Variants in TRPM3 observed in about 807,000 individuals in gnomAD.
The protein encoded by TRPM3 is long transient receptor potential channel 3.
TRPM3 carries 77 observed loss-of-function variants against 181.2 expected under a neutral mutation model. The observed-to-expected ratio is 0.42, with a 90% CI of 0.35 to 0.51. TRPM3 has a LOEUF of 0.51. Ranked by LOEUF, TRPM3 falls within the 20% of genes least tolerant of loss-of-function variation. The pLI is 0.01. For missense variants in TRPM3, 1,759 were observed against 2,196.7 expected, an observed-to-expected ratio of 0.80 and a Z score of 3.98; for synonymous variants, 745 against 796.4, an observed-to-expected ratio of 0.94 and a Z score of 1.09.
At position 70,843,006 on chromosome 9, in the gene TRPM3, T is replaced by C; in HGVS notation, c.798A>G (p.Arg266=). The change falls in exon 5 of 26, where the codon AGA becomes AGG. Residue 266 remains arginine (R), a synonymous_variant. Transcript: ENST00000677713. ...AGCGACAGCACTCAGGACTTACATC[T>C]CTTCCAATGAGGTCCTCCTGGTTTT... ...IVENQEDLIG[R]DVVRPYQTMS... 6.2e-7 allele frequency: 1 copy of C among 1,613,676 alleles called. No homozygotes were observed. Among genetic ancestry groups the C allele is most frequent in the Non-Finnish European group, 8.5e-7 (1 of 1,179,828 alleles).
chr9:70,599,680 T>C (rs993267931), intron 20 of TRPM3, among the ~76,000 whole-genome samples: 3 of 152,244 alleles, frequency 2.0e-5, no homozygotes, highest in Non-Finnish European at 2.9e-5. Context: ...CTTCAAGGTC[T>C]CTGATCAAAT....
chr9:71,415,314 G>GT (rs1251880584), intron 1 of TRPM3, among the ~76,000 whole-genome samples: 2 of 152,014 alleles, frequency 1.3e-5, no homozygotes, highest in Non-Finnish European at 2.9e-5. Flanking sequence ...ATAAACTTCT[G>GT]TTGTCTTAAG....
At chr9:70,916,964 T>G (rs906572467) in intron 1 of TRPM3, 2 of 1,448,298 alleles carry the variant, frequency 1.4e-6, no homozygotes, top group Non-Finnish European at 1.9e-6. Flanking sequence ...GGCTTTCTAG[T>G]GAACAATCTG....
chr9:71,282,097 GAA>G (rs2084775051), intron 1 of TRPM3, among the ~76,000 whole-genome samples: 7 of 54,258 alleles, frequency 1.3e-4, no homozygotes, highest in African/African-American at 4.9e-4. Flanking sequence ...AAGAGAGAAA[GAA>G]AGAAAAGAAA....
chr9:70,911,737 A>G (rs1319146358), intron 1 of TRPM3, among the ~76,000 whole-genome samples: 1 of 152,174 alleles, frequency 6.6e-6, no homozygotes, highest in African/African-American at 2.4e-5. Context: ...TAGTTTCTAA[A>G]TATGTCTCAA....
chr9:71,305,575 A>G (rs2087215142), intron 1 of TRPM3, among the ~76,000 whole-genome samples: 1 of 152,210 alleles, frequency 6.6e-6, no homozygotes, highest in South Asian at 2.1e-4. Context: ...GGCTCAAGTG[A>G]CACATTTTGA....
intron 6 of TRPM3, among the ~76,000 whole-genome samples, chr9:70,810,484 T>C (rs540651): frequency 0.98 from 148,523 of 151,850 alleles, 72,743 homozygotes; most frequent in Middle Eastern, 1. Context: ...AGCACCCTGT[T>C]GTATTTCTTC....
Position 70,535,506 on chromosome 9 carries a change from T to C in TRPM3, c.*447A>G, listed in dbSNP as rs1256992143. ...GTGAAAAGAAAACAGAATGGAAGTT[T>C]AGAATATCTCATTGTGTACGCTGGC... On this transcript the variant is annotated 3_prime_UTR_variant, in exon 26 of 26. Transcript: ENST00000677713. The C allele has an allele frequency of 1.2e-5, 18 of 1,550,100 alleles. No homozygotes were observed. Among genetic ancestry groups the C allele is most frequent in the Non-Finnish European group, 1.6e-5 (18 of 1,146,962 alleles).
chr9:70,603,562 C>T (rs1589169415), intron 19 of TRPM3, 92 bp from the exon 20 acceptor site: 1 of 1,426,568 alleles, frequency 7.0e-7, no homozygotes, highest in East Asian at 2.3e-5. Context: ...AGAGCAGGGT[C>T]AGCAAGCAGG....
rs531312696 is a variant in TRPM3 at position 70,639,276 on chromosome 9, A to G, written c.1447-82T>C. ...TTTAGTGTTCACTTGAACAGCTTAG[A>G]AATGGATGCCTTTGACATCTGGTAA... On this transcript the variant is annotated intron_variant, in intron 10 of 25. Transcript: ENST00000677713. 5.1e-5 allele frequency: 75 copies of G among 1,482,764 alleles called. No homozygotes were observed. The South Asian group carries it at 8.9e-4, about 18-fold the overall frequency. The allele number at this position is 1,482,764 out of a possible 1,614,324, so 91.9% of individuals were successfully genotyped here. A position where few individuals can be genotyped will look rare whatever the true frequency, so the allele number is the denominator to read the frequency against.
rs1474207694 is a variant in TRPM3 at position 70,848,833 on chromosome 9, C to A, written c.463-2242G>T. On this transcript the variant is annotated intron_variant, in intron 3 of 25. Transcript: ENST00000677713. The stretch of plus-strand genomic sequence containing the variant: ...TCTACTAAAAATACAAAAAATTAGC[C>A]GGGCGTGGTAGCGGGCGCCTGTAGT... 2.3e-5 allele frequency among the ~76,000 whole-genome samples: 2 copies of A among 87,008 alleles called. 1 individual carries two copies. Among genetic ancestry groups the A allele is most frequent in the Non-Finnish European group, 4.9e-5 (2 of 40,622 alleles). 57.1% of individuals were successfully genotyped at this position (87,008 alleles called of 152,430 possible). A position where few individuals can be genotyped will look rare whatever the true frequency, so the allele number is the denominator to read the frequency against.
intron 1 of TRPM3, among the ~76,000 whole-genome samples, chr9:70,912,326 C>T (rs2096546419): frequency 6.6e-6 from 1 of 152,032 alleles, no homozygotes; most frequent in Admixed American, 6.6e-5. Flanking sequence ...AAACAACTTC[C>T]CAGTTAAAAA....
chr9:70,827,982 TCATGGGATTGGA>T lies in TRPM3; in HGVS notation c.826_837del (p.Asn277_Ser280del). On this transcript the variant is annotated inframe_deletion, in exon 6 of 26. Transcript: ENST00000677713. ...ATGCTGTTGAGAACAGTGAGCTTGC[TCATGGGATTGGA>T]CATGGTCTGGTATGGCCGGACAACC... 1 of 1,614,006 alleles carries T rather than the reference TCATGGGATTGGA, an allele frequency of 6.2e-7. No homozygotes were observed. Among genetic ancestry groups the T allele is most frequent in the Non-Finnish European group, 8.5e-7 (1 of 1,179,922 alleles).
chr9:71,190,718 C>G (rs2134996179), intron 1 of TRPM3, among the ~76,000 whole-genome samples: 1 of 151,992 alleles, frequency 6.6e-6, no homozygotes, highest in East Asian at 1.9e-4. Context: ...TATGATACAA[C>G]TTATTGCAGG....
intron 9 of TRPM3, among the ~76,000 whole-genome samples, chr9:70,666,752 A>G (rs1300759084): frequency 6.6e-6 from 1 of 152,092 alleles, no homozygotes; most frequent in Admixed American, 6.5e-5. Context: ...ATTTTCACTC[A>G]GTAGTTTCTT....
intron 1 of TRPM3, among the ~76,000 whole-genome samples, chr9:71,142,197 G>A (rs11142699): frequency 0.34 from 51,606 of 152,018 alleles, 10,227 homozygotes; most frequent in Middle Eastern, 0.55. Flanking sequence ...AAGATCTCTG[G>A]TTTCCTATTT....
chr9:71,369,387 A>G (rs1394444655), intron 1 of TRPM3, among the ~76,000 whole-genome samples: 1 of 152,172 alleles, frequency 6.6e-6, no homozygotes, highest in Admixed American at 6.5e-5. Flanking sequence ...AATAAAACGA[A>G]CATGTTTCTA....
chr9:71,334,775 TA>T (rs1216028537), intron 1 of TRPM3, among the ~76,000 whole-genome samples: 24 of 152,172 alleles, frequency 1.6e-4, no homozygotes. Flanking sequence ...AACTTTAACT[TA>T]ATTAGCTTAA....
rs2046063616 is a variant in TRPM3, at chr9:70,549,948, GA to G, written c.3575-275del. Among the ~76,000 whole-genome samples the G allele has an allele frequency of 5.3e-5, 8 of 152,270 alleles. No homozygotes were observed. In the South Asian group the frequency reaches 1.7e-3, roughly 32 times the overall value. ...GAATTAGGCAAGTTGTGAGGCCAGG[GA>G]AAAAGCTAAATCAAGGAAAGGGAAG... is the stretch of plus-strand genomic sequence containing the variant. On this transcript the variant is annotated intron_variant, in intron 24 of 25. Transcript: ENST00000677713.
Sources: gnomAD v4.1 joint callset for allele counts (sites outside exome capture counted in the v4.1 genomes callset) on GRCh38, gnomAD v4.1.1 for gene constraint, MANE v1.5 for transcripts, NCBI Gene and HGNC (gene_info 2026-07-23, HGNC 2026-07-21) for gene names.